The following PRH1 variants were observed in gnomAD, a reference collection of about 807,000 sequenced individuals.
PRH1 encodes proline rich protein HaeIII subfamily 1.
In PRH1, 7 loss-of-function variants were observed where a neutral mutation model predicts 7.9. The ratio of observed to expected loss-of-function variants is 0.89; its 90% CI spans 0.50 to 1.67. The LOEUF is 1.67. Among genes scored for constraint, PRH1 ranks in the 40% most tolerant of loss-of-function variants. PRH1 has a pLI of 0.00. For synonymous variants in PRH1, 45 were observed against 80.8 expected (o/e 0.56, Z 2.38); for missense variants, 109 against 223.6 (o/e 0.49, Z 3.27).
intron 1 of PRH1, among the ~76,000 whole-genome samples, chr12:11,146,586 A>C (rs1055278190): frequency 6.6e-6 from 1 of 152,186 alleles, no homozygotes; most frequent in African/African-American, 2.4e-5. Flanking sequence ...TTTCCAAGGA[A>C]TTTAAAACTT....
intron 1 of PRH1, among the ~76,000 whole-genome samples, chr12:11,126,938 G>A (rs796655735): frequency 4.6e-5 from 4 of 87,144 alleles, no homozygotes; most frequent in African/African-American, 1.4e-4. Flanking sequence ...AAATAATGAT[G>A]AGTAGTAAAC....
At chr12:11,083,653 C>A (rs576263320) in intron 1 of PRH1, among the ~76,000 whole-genome samples, 2 of 152,284 alleles carry the variant, frequency 1.3e-5, no homozygotes, top group Non-Finnish European at 2.9e-5. Flanking sequence ...TCCAGACACT[C>A]TCCATATACG....
chr12:11,101,432 T>A (rs534793134), intron 1 of PRH1, among the ~76,000 whole-genome samples: 1 of 152,082 alleles, frequency 6.6e-6, no homozygotes, highest in African/African-American at 2.4e-5. Flanking sequence ...AGAGGCTGCA[T>A]TGAGCCAAGA....
chr12:11,136,395 T>TG (rs1338717001), intron 1 of PRH1, among the ~76,000 whole-genome samples: 1 of 151,958 alleles, frequency 6.6e-6, no homozygotes, highest in Non-Finnish European at 1.5e-5. Flanking sequence ...ACATTTGGTC[T>TG]GCTTCTTTTT....
In PRH1 at chr12:10,957,234, A is replaced by G. The variant is rs146307228; in HGVS notation, c.-59+16421T>C. On this transcript the variant is annotated intron_variant, in intron 2 of 3. Transcript: ENST00000539853. ...AAACAGGCACGTAGACCAAGGGAACAGAATAGAGACCCGAGAAATAATGCC... is the reference window on the plus strand; with the variant it reads ...AAACAGGCACGTAGACCAAGGGAACGGAATAGAGACCCGAGAAATAATGCC... 5.6e-4 allele frequency among the ~76,000 whole-genome samples: 85 copies of G among 152,260 alleles called. No individual in the cohort carries two copies. The East Asian group carries it at 0.016, about 28-fold the overall frequency.
At chr12:11,003,022 T>C (rs1292900037) in intron 1 of PRH1, among the ~76,000 whole-genome samples, 1 of 152,004 alleles carries the variant, frequency 6.6e-6, no homozygotes, top group Non-Finnish European at 1.5e-5. Flanking sequence ...AATAATTAAA[T>C]TGGAAACAAG....
chr12:10,895,601 T>C (rs1032570119), intron 2 of PRH1: 4 of 152,096 alleles, frequency 2.6e-5, no homozygotes, highest in African/African-American at 9.7e-5. Flanking sequence ...CAGGCAGAAA[T>C]AGCTGGATCC....
intron 1 of PRH1, among the ~76,000 whole-genome samples, chr12:11,021,346 T>C (rs1266209754): frequency 6.6e-6 from 1 of 152,116 alleles, no homozygotes; most frequent in Non-Finnish European, 1.5e-5. Flanking sequence ...AAGCTGTACG[T>C]TCTTAATTAT....
At chr12:11,142,935 A>G (rs1169612312) in intron 1 of PRH1, among the ~76,000 whole-genome samples, 1 of 152,218 alleles carries the variant, frequency 6.6e-6, no homozygotes, top group Non-Finnish European at 1.5e-5. Context: ...TCTGTCCTAT[A>G]AGAAATGTTA....
intron 2 of PRH1, chr12:10,964,642 T>C (rs1373539338): frequency 3.8e-6 from 2 of 527,392 alleles, no homozygotes; most frequent in African/African-American, 1.9e-5. Flanking sequence ...AAACAGCAAA[T>C]AACAAGAGGA....
chr12:11,011,565 G>A (rs545428260), intron 1 of PRH1, among the ~76,000 whole-genome samples: 1 of 152,166 alleles, frequency 6.6e-6, no homozygotes, highest in African/African-American at 2.4e-5. Context: ...GTTCAGCAAT[G>A]TCAGTTGTTA....
intron 1 of PRH1, among the ~76,000 whole-genome samples, chr12:11,007,984 C>G (rs1254200156): frequency 6.6e-6 from 1 of 151,546 alleles, no homozygotes; most frequent in African/African-American, 2.4e-5. Flanking sequence ...GATAGAAATA[C>G]TTTGCTAAGC....
intron 1 of PRH1, among the ~76,000 whole-genome samples, chr12:11,129,076 C>T (rs1379289645): frequency 1.3e-5 from 2 of 152,188 alleles, no homozygotes; most frequent in Non-Finnish European, 2.9e-5. Context: ...GCATGTACCA[C>T]CATGCCAGGT....
At chr12:11,010,604 T>C (rs747435785) in intron 1 of PRH1, among the ~76,000 whole-genome samples, 2 of 151,946 alleles carry the variant, frequency 1.3e-5, no homozygotes, top group Non-Finnish European at 2.9e-5. Context: ...GGTAATGCCA[T>C]ATTCAGCCAA....
chr12:11,073,894 T>A (rs1317270484), intron 1 of PRH1, among the ~76,000 whole-genome samples: 3 of 151,460 alleles, frequency 2.0e-5, no homozygotes, highest in African/African-American at 7.3e-5. Context: ...GAGTATCTGC[T>A]GTCTGAAAAA....
intron 1 of PRH1, among the ~76,000 whole-genome samples, chr12:11,124,012 C>A (rs912494727): frequency 2.8e-5 from 3 of 107,850 alleles, no homozygotes; most frequent in Non-Finnish European, 6.6e-5. Context: ...GTAACAAATT[C>A]CTTCTTTTTC....
At chr12:11,125,901 T>A (rs1197836564) in intron 1 of PRH1, among the ~76,000 whole-genome samples, 6 of 152,114 alleles carry the variant, frequency 3.9e-5, no homozygotes. Flanking sequence ...TAATTTAAAG[T>A]TTAAAATTTT....
intron 1 of PRH1, among the ~76,000 whole-genome samples, chr12:11,089,193 T>C (rs377379552): frequency 8.7e-6 from 1 of 115,542 alleles, no homozygotes; most frequent in African/African-American, 2.9e-5. Context: ...ATCATTCCAT[T>C]TGGGACTTGA....
At chr12:11,129,134 G>A (rs960842506) in intron 1 of PRH1, among the ~76,000 whole-genome samples, 11 of 152,226 alleles carry the variant, frequency 7.2e-5, no homozygotes, top group African/African-American at 2.7e-4. Context: ...TGATGCACAG[G>A]GAACTCCTGC....
Sources: gnomAD v4.1 joint callset for allele counts (sites outside exome capture counted in the v4.1 genomes callset) on GRCh38, gnomAD v4.1.1 for gene constraint, MANE v1.5 for transcripts, NCBI Gene and HGNC (gene_info 2026-07-23, HGNC 2026-07-21) for gene names.